Variants in GLDN observed in about 807,000 individuals in gnomAD.
The protein encoded by GLDN is collomin.
Under a neutral mutation model 56.5 loss-of-function variants are expected in GLDN, and 47 were observed. The ratio of observed to expected loss-of-function variants is 0.83; its 90% CI spans 0.66 to 1.06. The LOEUF (loss-of-function observed/expected upper bound fraction) is 1.06. Among genes scored for constraint, GLDN ranks in the 50% least tolerant of loss-of-function variants. The pLI, the probability that GLDN is intolerant of heterozygous loss-of-function variation, is 0.00. For missense variants in GLDN, 782 were observed against 714.3 expected, an observed-to-expected ratio of 1.09 and a Z score of -1.08; for synonymous variants, 332 against 278.8, an observed-to-expected ratio of 1.19 and a Z score of -1.90.
At chr15:51,358,940 T>C (rs2037238875) in intron 1 of GLDN, among the ~76,000 whole-genome samples, 1 of 152,086 alleles carries the variant, frequency 6.6e-6, no homozygotes, top group South Asian at 2.1e-4. Flanking sequence ...TATATACAGG[T>C]TTTTTTCTCA....
chr15:51,404,592 G>A lies in GLDN; in HGVS notation c.1494G>A (p.Leu498=). The A allele has an allele frequency of 6.2e-7, 1 of 1,614,190 alleles. No individual in the cohort carries two copies. The highest frequency in any genetic ancestry group is 8.5e-7 in the Non-Finnish European group (1 of 1,180,032). The part of the protein sequence containing the change: ...KDMRVTFAFD[L]LGGKQINANF... ...TGAGGGTCACATTTGCCTTTGATTT[G>A]TTAGGAGGGAAACAGATCAATGCAA... Residue 498 remains leucine, a synonymous_variant, in exon 10 of 10, where the codon TTG becomes TTA. Coordinates refer to ENST00000335449, the MANE Select transcript of GLDN (RefSeq NM_181789.4).
intron 1 of GLDN, among the ~76,000 whole-genome samples, chr15:51,348,017 G>A (rs2037008302): frequency 6.6e-6 from 1 of 152,174 alleles, no homozygotes; most frequent in African/African-American, 2.4e-5. Flanking sequence ...GCTTACTTTT[G>A]GAGGGTATAA....
At chr15:51,367,101 T>TTGCTG (rs1306188399) in intron 1 of GLDN, among the ~76,000 whole-genome samples, 1 of 152,200 alleles carries the variant, frequency 6.6e-6, no homozygotes. Context: ...GTCCAGGATC[T>TTGCTG]TGCTGTGGTT....
At position 51,342,468 on chromosome 15, in the gene GLDN, C is replaced by T. The variant is rs556923327; in HGVS notation, c.363+421C>T. 3.5e-3 allele frequency among the ~76,000 whole-genome samples: 528 copies of T among 152,302 alleles called. 1 individual carries two copies. The highest frequency in any genetic ancestry group is 0.012 in the African/African-American group (487 of 41,578). ...GGATGGAGGCGCGTTTCTGAAAGAG[C>T]GTAGGCTTTTTCAATAAAGGGATTC... On this transcript the variant is annotated intron_variant, in intron 1 of 9. Transcript: ENST00000335449.
rs925762566 is a variant in GLDN, at chr15:51,398,678, A to G, written c.817+1080A>G. ...GAAGATGGCACCATCCCCCTCCCCA[A>G]CTCAGTGGAGCCTGATTATAATTCT... On this transcript the variant is annotated intron_variant, in intron 6 of 9. Transcript: ENST00000335449. Among the ~76,000 whole-genome samples the G allele has an allele frequency of 2.0e-5, 3 of 152,088 alleles. No homozygotes were observed. In the South Asian group the frequency reaches 6.2e-4, roughly 32 times the overall value.
intron 4 of GLDN, among the ~76,000 whole-genome samples, chr15:51,391,834 C>T (rs2038028023): frequency 6.6e-6 from 1 of 152,266 alleles, no homozygotes; most frequent in Non-Finnish European, 1.5e-5. Flanking sequence ...TTCTACTGTG[C>T]TCCCCCAGTT....
intron 1 of GLDN, chr15:51,360,531 G>A (rs2037275520): frequency 1.3e-5 from 2 of 152,332 alleles, no homozygotes; most frequent in Admixed American, 1.3e-4. Flanking sequence ...ATCACAGAGA[G>A]CCCCAGGTAA....
chr15:51,341,805 T>G lies in GLDN; in HGVS notation c.121T>G (p.Trp41Gly). Residue 41 changes from tryptophan to glycine, a missense_variant, in exon 1 of 10, where the codon TGG becomes GGG. Physicochemically the swap from Trp to Gly is radical, Grantham distance 184. Coordinates refer to ENST00000335449, the MANE Select transcript of GLDN (RefSeq NM_181789.4). Reference protein sequence around the residue: ...AAGTVFALCQWRGLSSALRAL... With the variant: ...AAGTVFALCQGRGLSSALRAL... ...GGGCACGGTGTTCGCGCTGTGCCAGTGGCGCGGGCTGAGCTCGGCGCTGCG... is the reference window on the plus strand; with the variant it reads ...GGGCACGGTGTTCGCGCTGTGCCAGGGGCGCGGGCTGAGCTCGGCGCTGCG... The G allele has an allele frequency of 6.6e-7, 1 of 1,512,644 alleles. No homozygotes were observed. The highest frequency in any genetic ancestry group is 8.8e-7 in the Non-Finnish European group (1 of 1,139,160). 93.7% of individuals were successfully genotyped at this position (1,512,644 alleles called of 1,614,324 possible).
In GLDN at chr15:51,400,534, G is replaced by T. The variant is rs748009552; in HGVS notation, c.1027+36G>T. The T allele has an allele frequency of 1.9e-6, 3 of 1,597,730 alleles. No homozygotes were observed. In the African/African-American group the frequency reaches 4.0e-5, roughly 21 times the overall value. ...TCGGCCTATGACCCATATCTGTGTGGTAACTGTATTTTTCATCTGTTGCCT... is the reference window on the plus strand; with the variant it reads ...TCGGCCTATGACCCATATCTGTGTGTTAACTGTATTTTTCATCTGTTGCCT... On this transcript the variant is annotated intron_variant, in intron 8 of 9. Coordinates refer to ENST00000335449, the MANE Select transcript of GLDN (RefSeq NM_181789.4).
intron 1 of GLDN, among the ~76,000 whole-genome samples, chr15:51,352,258 A>G (rs547242245): frequency 6.6e-6 from 1 of 152,154 alleles, no homozygotes; most frequent in East Asian, 1.9e-4. Flanking sequence ...TAAGGTTATT[A>G]ATCATTTTTA....
At chr15:51,377,270 G>T (rs2037652501) in intron 1 of GLDN, 179 bp from the exon 2 acceptor site, 1 of 581,470 alleles carries the variant, frequency 1.7e-6, no homozygotes, top group South Asian at 2.2e-5. Flanking sequence ...CATTGTGTAT[G>T]ATTCGTTGTT....
At chr15:51,410,495 A>C (rs2038454189), downstream of GLDN, among the ~76,000 whole-genome samples, 1 of 152,164 alleles carries the variant, frequency 6.6e-6, no homozygotes, top group Non-Finnish European at 1.5e-5. Flanking sequence ...CTAGTGCCAG[A>C]GTACCCCATG....
chr15:51,355,946 G>A (rs748178082), intron 1 of GLDN, among the ~76,000 whole-genome samples: 3 of 149,968 alleles, frequency 2.0e-5, no homozygotes, highest in African/African-American at 7.3e-5. Context: ...GGTGGCTCAC[G>A]CCTGTAATCC....
intron 1 of GLDN, among the ~76,000 whole-genome samples, chr15:51,347,858 A>T (rs2037005754): frequency 6.6e-6 from 1 of 152,252 alleles, no homozygotes. Flanking sequence ...TAGCTGTAGA[A>T]CAAGAATGAG....
chr15:51,377,803 A>T (rs942161064), intron 2 of GLDN, among the ~76,000 whole-genome samples: 2 of 152,220 alleles, frequency 1.3e-5, no homozygotes, highest in African/African-American at 2.4e-5. Flanking sequence ...AGGGGAAAGA[A>T]AGGAAGGGAA....
chr15:51,364,714 T>G (rs58010613), intron 1 of GLDN, among the ~76,000 whole-genome samples: 45,424 of 152,146 alleles, frequency 0.3, 7,587 homozygotes, highest in East Asian at 0.46. Flanking sequence ...TCTACTAATT[T>G]TTTTGTATCA....
intron 4 of GLDN, among the ~76,000 whole-genome samples, chr15:51,389,069 G>A (rs1189098531): frequency 6.6e-6 from 1 of 152,350 alleles, no homozygotes; most frequent in East Asian, 1.9e-4. Flanking sequence ...AGGAGTTCTA[G>A]TAGCTCTTGC....
chr15:51,379,150 G>A (rs2037699695), intron 2 of GLDN, among the ~76,000 whole-genome samples: 1 of 152,206 alleles, frequency 6.6e-6, no homozygotes. Context: ...TAACATCTCA[G>A]TTGGATCGTG....
chr15:51,388,502 G>A (rs1398253109), intron 4 of GLDN, among the ~76,000 whole-genome samples: 13 of 152,164 alleles, frequency 8.5e-5, no homozygotes, highest in Admixed American at 2.6e-4. Flanking sequence ...ATTTGCTGTT[G>A]TGCTGATGGG....
Sources: gnomAD v4.1 joint callset for allele counts (sites outside exome capture counted in the v4.1 genomes callset) on GRCh38, gnomAD v4.1.1 for gene constraint, MANE v1.5 for transcripts, NCBI Gene and HGNC (gene_info 2026-07-23, HGNC 2026-07-21) for gene names.